Variants in BMAL1 observed in about 807,000 individuals in gnomAD.
BMAL1 encodes basic helix-loop-helix ARNT-like protein 1.
the BMAL1 span, among the ~76,000 whole-genome samples, chr11:13,332,925 T>C: frequency 1.3e-5 from 2 of 151,540 alleles, no homozygotes; most frequent in East Asian, 1.9e-4. Flanking sequence ...CTCTATATTG[T>C]GTGCCCCCAG....
At chr11:13,372,031 A>G in the BMAL1 span, 36 of 1,240,518 alleles carry the variant, frequency 2.9e-5, no homozygotes, top group African/African-American at 7.6e-5. Context: ...TTAGATGCTT[A>G]CTTCTGGAGA....
At chr11:13,384,346 AGAT>A in the BMAL1 span, among the ~76,000 whole-genome samples, 1 of 152,242 alleles carries the variant, frequency 6.6e-6, no homozygotes, top group Admixed American at 6.5e-5. Flanking sequence ...AATATATAGA[AGAT>A]CTGCATAACT....
chr11:13,379,808 C>T, the BMAL1 span: 1 of 152,124 alleles, frequency 6.6e-6, no homozygotes, highest in Non-Finnish European at 1.5e-5. Context: ...ACTGGGCAGG[C>T]TTTGTGTAGG....
the BMAL1 span, among the ~76,000 whole-genome samples, chr11:13,321,676 A>C: frequency 2.6e-5 from 4 of 152,158 alleles, no homozygotes; most frequent in Non-Finnish European, 5.9e-5. Context: ...CCTACCTATT[A>C]GTGGGGCCCC....
chr11:13,313,193 T>G, the BMAL1 span, among the ~76,000 whole-genome samples: 1 of 152,238 alleles, frequency 6.6e-6, no homozygotes, highest in Non-Finnish European at 1.5e-5. Context: ...CTGCTGAGCG[T>G]GCCTCTCCTG....
At chr11:13,378,392 T>A in the BMAL1 span, 1 of 1,613,254 alleles carries the variant, frequency 6.2e-7, no homozygotes, top group Admixed American at 1.7e-5. Flanking sequence ...GAACCCGGGC[T>A]GGGGCAGGAA....
At chr11:13,305,552 G>C in the BMAL1 span, among the ~76,000 whole-genome samples, 1 of 152,138 alleles carries the variant, frequency 6.6e-6, no homozygotes, top group South Asian at 2.1e-4. Context: ...TGCAAATAGG[G>C]ATTGTTTCAT....
At chr11:13,376,859 T>C in the BMAL1 span, 1 of 778,524 alleles carries the variant, frequency 1.3e-6, no homozygotes, top group Non-Finnish European at 2.0e-6. Context: ...GAGGGGATGA[T>C]GTGCGGATTT....
At chr11:13,312,811 C>A in the BMAL1 span, among the ~76,000 whole-genome samples, 1 of 152,146 alleles carries the variant, frequency 6.6e-6, no homozygotes, top group Admixed American at 6.5e-5. Context: ...CACCAAGGGA[C>A]TTGGTACAAG....
the BMAL1 span, among the ~76,000 whole-genome samples, chr11:13,297,307 T>C: frequency 6.6e-6 from 1 of 152,180 alleles, no homozygotes; most frequent in East Asian, 1.9e-4. Context: ...GAGAAGGCTG[T>C]AGGGATGAAG....
chr11:13,346,970 T>C, the BMAL1 span, among the ~76,000 whole-genome samples: 12 of 152,374 alleles, frequency 7.9e-5, no homozygotes, highest in Admixed American at 3.3e-4. Flanking sequence ...TTTTTTCTTA[T>C]CTTTTGTTGT....
chr11:13,301,062 C>T, the BMAL1 span, among the ~76,000 whole-genome samples: 8 of 152,164 alleles, frequency 5.3e-5, no homozygotes, highest in African/African-American at 7.2e-5. Context: ...CTCTGCCTCC[C>T]GAGAGGTGGG....
At chr11:13,340,788 T>C in the BMAL1 span, among the ~76,000 whole-genome samples, 1 of 152,172 alleles carries the variant, frequency 6.6e-6, no homozygotes, top group African/African-American at 2.4e-5. Context: ...TGACATCACT[T>C]TTCCCAGCCT....
the BMAL1 span, chr11:13,380,246 TAAG>T: frequency 2.0e-5 from 3 of 152,194 alleles, no homozygotes; most frequent in Non-Finnish European, 2.9e-5. Context: ...AAACTGCCGT[TAAG>T]AAGCTTCTAA....
chr11:13,328,130 T>C, the BMAL1 span, among the ~76,000 whole-genome samples: 3 of 152,188 alleles, frequency 2.0e-5, no homozygotes, highest in Admixed American at 6.5e-5. Flanking sequence ...GATTTGCACA[T>C]AAACACAAGC....
the BMAL1 span, among the ~76,000 whole-genome samples, chr11:13,300,230 G>A: frequency 6.6e-6 from 1 of 152,248 alleles, no homozygotes; most frequent in South Asian, 2.1e-4. Context: ...AGCTTGATAT[G>A]GAGCATTTAG....
At chr11:13,293,681 A>C in the BMAL1 span, among the ~76,000 whole-genome samples, 1 of 152,344 alleles carries the variant, frequency 6.6e-6, no homozygotes, top group South Asian at 2.1e-4. Flanking sequence ...AAAACTGGGT[A>C]CCTAACAAAC....
At chr11:13,359,841 C>T in the BMAL1 span, among the ~76,000 whole-genome samples, 5 of 152,170 alleles carry the variant, frequency 3.3e-5, no homozygotes, top group African/African-American at 7.2e-5. Flanking sequence ...TTGCCACGCT[C>T]GTTTAACTCA....
chr11:13,286,219 C>T, the BMAL1 span, among the ~76,000 whole-genome samples: 196 of 152,326 alleles, frequency 1.3e-3, no homozygotes, highest in African/African-American at 4.6e-3. Context: ...AGCATTGTAC[C>T]TCATTTGCTG....
Sources: gnomAD v4.1 joint callset for allele counts (sites outside exome capture counted in the v4.1 genomes callset) on GRCh38, gnomAD v4.1.1 for gene constraint, MANE v1.5 for transcripts, NCBI Gene and HGNC (gene_info 2026-07-23, HGNC 2026-07-21) for gene names.